GMPR: variants seen among roughly 807,000 people sequenced by gnomAD.
GMPR encodes the protein GMP reductase 1.
Under a neutral mutation model 38.4 loss-of-function variants are expected in GMPR, and 31 were observed. The ratio of observed to expected loss-of-function variants is 0.81; its 90% CI spans 0.61 to 1.09. The LOEUF is 1.09. Ranked by LOEUF, GMPR falls within the 50% of genes least tolerant of loss-of-function variation. The pLI, the probability that GMPR is intolerant of heterozygous loss-of-function variation, is 0.00. For missense variants in GMPR, 468 were observed against 453.7 expected (o/e 1.03, Z -0.29); for synonymous variants, 162 against 173.3 (o/e 0.93, Z 0.51).
Position 16,290,178 on chromosome 6 carries a change from G to T in GMPR, c.698-284G>T, listed in dbSNP as rs1581668446. On this transcript the variant is annotated intron_variant, in intron 7 of 8. Transcript: ENST00000259727. ...AAGAGAGTTAGATCTGAGGAAGGTG[G>T]TCGTAGTTAGCCATTAAAAGCCATT... The T allele has an allele frequency of 1.2e-5, 4 of 320,020 alleles. No individual in the cohort carries two copies. The East Asian group carries it at 2.2e-4, about 18-fold the overall frequency. The allele number at this position is 320,020 out of a possible 1,614,324, so 19.8% of individuals were successfully genotyped here. A position where few individuals can be genotyped will look rare whatever the true frequency, so the allele number is the denominator to read the frequency against.
At chr6:16,255,015 C>CTT (rs779608663) in intron 4 of GMPR, among the ~76,000 whole-genome samples, 2 of 143,968 alleles carry the variant, frequency 1.4e-5, no homozygotes, top group African/African-American at 5.1e-5. Context: ...GATACTTTTT[C>CTT]TTTTTTTTTT....
intron 5 of GMPR, 62 bp downstream of exon 5, chr6:16,274,558 C>A: frequency 1.1e-6 from 1 of 931,714 alleles, no homozygotes; most frequent in Non-Finnish European, 1.8e-6. Flanking sequence ...CTGGGGCTTG[C>A]GGGGACTGCA....
At chr6:16,281,109 T>C (rs1759563481) in intron 6 of GMPR, among the ~76,000 whole-genome samples, 1 of 152,236 alleles carries the variant, frequency 6.6e-6, no homozygotes, top group South Asian at 2.1e-4. Flanking sequence ...AGCAGTTCTC[T>C]TAAGCGTGGT....
intron 6 of GMPR, among the ~76,000 whole-genome samples, chr6:16,283,341 G>A (rs2113700285): frequency 6.6e-6 from 1 of 152,314 alleles, no homozygotes; most frequent in East Asian, 1.9e-4. Flanking sequence ...GTGTGAAGAT[G>A]CATGTATGTC....
At chr6:16,244,922 T>C (rs1758726219) in intron 1 of GMPR, among the ~76,000 whole-genome samples, 2 of 152,144 alleles carry the variant, frequency 1.3e-5, no homozygotes, top group Admixed American at 1.3e-4. Flanking sequence ...CATGAAGAGC[T>C]CTGTGTTTTG....
intron 4 of GMPR, among the ~76,000 whole-genome samples, chr6:16,260,848 G>A (rs893327340): frequency 9.2e-5 from 14 of 151,928 alleles, no homozygotes; most frequent in African/African-American, 3.1e-4. Flanking sequence ...GGTCAGGTGT[G>A]GTATCAGGAA....
chr6:16,284,589 C>G (rs1422467952), intron 6 of GMPR, among the ~76,000 whole-genome samples: 1 of 152,196 alleles, frequency 6.6e-6, no homozygotes, highest in Admixed American at 6.5e-5. Flanking sequence ...TGCACCATGG[C>G]TTTCGTGACT....
chr6:16,274,224 C>T (rs941845617), intron 4 of GMPR, among the ~76,000 whole-genome samples, 191 bp from the exon 5 acceptor site: 2 of 152,190 alleles, frequency 1.3e-5, no homozygotes, highest in African/African-American at 4.8e-5. Context: ...TGTATCTTCT[C>T]ATGCCAACAG....
intron 6 of GMPR, among the ~76,000 whole-genome samples, chr6:16,284,159 T>G (rs1759627554): frequency 6.6e-6 from 1 of 152,058 alleles, no homozygotes; most frequent in Admixed American, 6.5e-5. Flanking sequence ...AGGAAATAAC[T>G]GTGGTCAGTA....
Position 16,290,618 on chromosome 6 carries a change from A to G in GMPR, c.854A>G (p.Tyr285Cys). The G allele has an allele frequency of 1.9e-6, 3 of 1,613,270 alleles. No homozygotes were observed. Among genetic ancestry groups the G allele is most frequent in the Non-Finnish European group, 2.5e-6 (3 of 1,179,348 alleles). ...MNKHAGGVAE[Y>C]RASEGKTVEV... ...AAGCACGCAGGAGGAGTTGCTGAGT[A>G]CAGGTGAGGAGGTGACCCCGGGGCG... Residue 285 changes from tyrosine to cysteine, a missense_variant, in exon 8 of 9, where the codon TAC becomes TGC. Tyr to Cys is a radical substitution (Grantham distance 194). Transcript: ENST00000259727.
rs200506239 is a variant in GMPR at position 16,246,907 on chromosome 6, C to T, written c.153C>T (p.Ile51=). Residue 51 remains isoleucine (I), a synonymous_variant, in exon 2 of 9, where the codon ATC becomes ATT. Transcript: ENST00000259727. ...AGACCTACTCAGGGATTCCCATCAT[C>T]GTGGCCAACATGGACACTGTGGGCA... ...SKQTYSGIPI[I]VANMDTVGTF... is the part of the protein sequence containing the mutation. 2.5e-6 allele frequency: 4 copies of T among 1,613,516 alleles called. No individual in the cohort carries two copies. Among genetic ancestry groups the T allele is most frequent in the African/African-American group, 1.3e-5 (1 of 74,994 alleles).
At chr6:16,251,140 A>C (rs900502308) in intron 3 of GMPR, among the ~76,000 whole-genome samples, 1 of 152,224 alleles carries the variant, frequency 6.6e-6, no homozygotes, top group Admixed American at 6.5e-5. Flanking sequence ...ACACAACCCA[A>C]ATGTCTATCA....
chr6:16,284,548 C>T (rs1369960958), intron 6 of GMPR, among the ~76,000 whole-genome samples: 1 of 152,206 alleles, frequency 6.6e-6, no homozygotes. Context: ...GTCACTGTCA[C>T]GTGAGCCCTG....
chr6:16,290,068 C>G (rs1283396139), intron 7 of GMPR: 4 of 162,416 alleles, frequency 2.5e-5, no homozygotes, highest in Admixed American at 6.0e-5. Flanking sequence ...ATTCACCTGC[C>G]TCAGCCTCCC....
rs566270318 is a variant in GMPR at position 16,280,942 on chromosome 6, C to A, written c.654+2052C>A. On this transcript the variant is annotated intron_variant, in intron 6 of 8. Coordinates refer to ENST00000259727, the MANE Select transcript of GMPR (RefSeq NM_006877.4). ...CATATTCTGAGATCCTTATGTCTTT[C>A]TAGAAACTTCAAACTTGCTTAGTTT... Among the ~76,000 whole-genome samples the A allele has an allele frequency of 4.3e-4, 66 of 152,272 alleles. No homozygotes were observed. In the Middle Eastern group the frequency reaches 0.01, roughly 24 times the overall value.
intron 5 of GMPR, among the ~76,000 whole-genome samples, chr6:16,276,070 A>G (rs1759467032): frequency 6.6e-6 from 1 of 152,060 alleles, no homozygotes; most frequent in South Asian, 2.1e-4. Context: ...ACCCTGTCTC[A>G]AGAAAAAAAA....
intron 8 of GMPR, 106 bp from the exon 9 acceptor site, chr6:16,294,900 A>G: frequency 1.2e-6 from 1 of 834,132 alleles, no homozygotes; most frequent in Non-Finnish European, 1.9e-6. Context: ...TGGTTTTCTG[A>G]GTGCCTTGGG....
chr6:16,249,293 C>T (rs1026584246), intron 2 of GMPR, among the ~76,000 whole-genome samples: 31 of 151,512 alleles, frequency 2.0e-4, no homozygotes, highest in African/African-American at 7.3e-4. Context: ...CTGCCTCAGC[C>T]TCCTGAGTAG....
At position 16,254,601 on chromosome 6, in the gene GMPR, G is replaced by A. The variant is rs1240671486; in HGVS notation, c.331G>A (p.Glu111Lys). The A allele has an allele frequency of 1.2e-6, 2 of 1,614,126 alleles. No homozygotes were observed. The highest frequency in any genetic ancestry group is 1.7e-6 in the Non-Finnish European group (2 of 1,179,946). Reference protein sequence around the residue: ...VSSGSGQNDLEKMTSILEAVP... With the variant: ...VSSGSGQNDLKKMTSILEAVP... ...TTCAGGCAGTGGGCAGAATGATCTGGAAAAGATGACCAGCATCCTGGAAGC... is the reference window on the plus strand; with the variant it reads ...TTCAGGCAGTGGGCAGAATGATCTGAAAAAGATGACCAGCATCCTGGAAGC... Residue 111 changes from glutamate (E) to lysine (K), a missense_variant, in exon 4 of 9, where the codon GAA becomes AAA. Glu to Lys is a moderately conservative substitution (Grantham distance 56). Transcript: ENST00000259727.
Sources: allele counts gnomAD v4.1 joint callset (sites outside exome capture counted in the v4.1 genomes callset), GRCh38; gene constraint gnomAD v4.1.1; transcripts MANE v1.5; gene names NCBI Gene and HGNC (gene_info 2026-07-23, HGNC 2026-07-21).